OSBPL10: variants seen among roughly 807,000 people sequenced by gnomAD.
OSBPL10 encodes oxysterol binding protein like 10, also known as oxysterol-binding protein-related protein 10.
OSBPL10 carries 49 observed loss-of-function variants against 81.7 expected under a neutral mutation model. The observed-to-expected ratio is 0.60, with a 90% CI of 0.48 to 0.76. The LOEUF is 0.76. Among genes scored for constraint, OSBPL10 ranks in the 30% least tolerant of loss-of-function variants. OSBPL10 has a pLI of 0.00. For missense variants in OSBPL10, 923 were observed against 987.8 expected, an observed-to-expected ratio of 0.93 and a Z score of 0.88; for synonymous variants, 419 against 383.6, an observed-to-expected ratio of 1.09 and a Z score of -1.08.
chr3:31,880,333 G>A (rs1266397627), intron 1 of OSBPL10, among the ~76,000 whole-genome samples: 2 of 152,220 alleles, frequency 1.3e-5, no homozygotes, highest in Non-Finnish European at 2.9e-5. Context: ...TCAGGGAACT[G>A]GAGGTGCTTC....
rs114997725 is a variant in OSBPL10 at position 31,739,514 on chromosome 3, T to C, written c.941-6103A>G. 7.3e-3 allele frequency among the ~76,000 whole-genome samples: 1,117 copies of C among 152,288 alleles called. 15 individuals carry two copies. The highest frequency in any genetic ancestry group is 0.026 in the African/African-American group (1,069 of 41,548). On this transcript the variant is annotated intron_variant, in intron 5 of 11. Transcript: ENST00000396556. ...TAATAAAGTTAAATGACATAAAAAATGTAGGGTCCTGATCCAATTGGATTA... is the reference window on the plus strand; with the variant it reads ...TAATAAAGTTAAATGACATAAAAAACGTAGGGTCCTGATCCAATTGGATTA...
Position 31,733,425 on chromosome 3 carries a change from C to G in OSBPL10, c.941-14G>C. On this transcript the variant is annotated splice_polypyrimidine_tract_variant and intron_variant, in intron 5 of 11. Transcript: ENST00000396556. The stretch of plus-strand genomic sequence containing the variant: ...CCAGGATGTTTTCTGAAATAAAGAC[C>G]TAGAATGATGCCAAGTATTTTCCAA... 1 of 1,614,116 alleles carries G rather than the reference C, an allele frequency of 6.2e-7. No homozygotes were observed. The highest frequency in any genetic ancestry group is 8.5e-7 in the Non-Finnish European group (1 of 1,179,984).
chr3:31,755,362 C>G (rs1252195794), intron 4 of OSBPL10, among the ~76,000 whole-genome samples: 1 of 152,196 alleles, frequency 6.6e-6, no homozygotes, highest in African/African-American at 2.4e-5. Flanking sequence ...AAGTTGAAGA[C>G]TGCTTCATAA....
chr3:31,837,567 T>G (rs1386030232), intron 3 of OSBPL10, among the ~76,000 whole-genome samples: 1 of 151,134 alleles, frequency 6.6e-6, no homozygotes, highest in African/African-American at 2.4e-5. Flanking sequence ...GAAACAAGAA[T>G]TCCACTACCA....
intron 1 of OSBPL10, among the ~76,000 whole-genome samples, chr3:31,929,988 G>C: frequency 1.1e-5 from 1 of 95,184 alleles, no homozygotes. Context: ...GATCAAGTGA[G>C]ACCCTGTCAC....
At chr3:31,947,411 A>G (rs1178886091) in intron 1 of OSBPL10, among the ~76,000 whole-genome samples, 1 of 152,186 alleles carries the variant, frequency 6.6e-6, no homozygotes, top group African/African-American at 2.4e-5. Context: ...AAAAATTGGA[A>G]TGCTATCCTC....
intron 5 of OSBPL10, among the ~76,000 whole-genome samples, chr3:31,742,629 C>G (rs1016720292): frequency 1.3e-5 from 2 of 152,168 alleles, no homozygotes; most frequent in Non-Finnish European, 2.9e-5. Context: ...GCAGCTCTTA[C>G]CTGGCACTAG....
At chr3:31,747,162 C>T (rs1036013329) in intron 5 of OSBPL10, among the ~76,000 whole-genome samples, 10 of 151,944 alleles carry the variant, frequency 6.6e-5, no homozygotes, top group African/African-American at 2.4e-4. Context: ...TGGTGAAACC[C>T]CGTCTCTACT....
At position 31,668,794 on chromosome 3, in the gene OSBPL10, G is replaced by C; in HGVS notation, c.1944C>G (p.Thr648=). ...CATGGGCTTTACAAACAATGGTGTT[G>C]GTTGGGTTGTGCTTCACTTCTGCGG... is the stretch of plus-strand genomic sequence containing the variant. ...RVTAEVKHNP[T]NTIVCKAHGE... is the part of the protein sequence containing the mutation. The change falls in exon 10 of 12, where the codon ACC becomes ACG. Residue 648 remains threonine, a synonymous_variant. Coordinates refer to ENST00000396556, the MANE Select transcript of OSBPL10 (RefSeq NM_017784.5). The C allele has an allele frequency of 6.2e-7, 1 of 1,612,476 alleles. No individual in the cohort carries two copies. The highest frequency in any genetic ancestry group is 8.5e-7 in the Non-Finnish European group (1 of 1,178,946).
chr3:31,732,916 C>T (rs555829530), intron 6 of OSBPL10: 14 of 296,688 alleles, frequency 4.7e-5, no homozygotes, highest in Middle Eastern at 2.2e-3. Context: ...TTCAGGGGAG[C>T]GACATAATAT....
intron 2 of OSBPL10, among the ~76,000 whole-genome samples, chr3:31,994,533 G>C (rs187493322): frequency 6.6e-6 from 1 of 151,842 alleles, no homozygotes; most frequent in African/African-American, 2.4e-5. Flanking sequence ...TGGATGGATG[G>C]ATGGTCTGCC....
intron 4 of OSBPL10, among the ~76,000 whole-genome samples, chr3:31,748,737 C>CT (rs1697620705): frequency 1.3e-5 from 2 of 152,154 alleles, no homozygotes; most frequent in South Asian, 4.1e-4. Context: ...AGACCCAGCC[C>CT]TACTCCATGG....
rs1295650106 is a variant in OSBPL10 at position 31,664,065 on chromosome 3, G to A, written c.2250+14C>T. The A allele has an allele frequency of 6.2e-7, 1 of 1,614,162 alleles. No homozygotes were observed. The highest frequency in any genetic ancestry group is 1.7e-5 in the Admixed American group (1 of 60,026). On this transcript the variant is annotated intron_variant, in intron 11 of 11. Coordinates refer to ENST00000396556, the MANE Select transcript of OSBPL10 (RefSeq NM_017784.5). ...TCTCCTGGGCAAGGGACCAATGACAGGCGGCAGAGTTACCTCCTGGATAAA... is the reference window on the plus strand; with the variant it reads ...TCTCCTGGGCAAGGGACCAATGACAAGCGGCAGAGTTACCTCCTGGATAAA...
intron 3 of OSBPL10, 140 bp from the exon 4 acceptor site, chr3:31,830,371 C>T: frequency 1.4e-5 from 11 of 807,426 alleles, no homozygotes; most frequent in Non-Finnish European, 2.1e-5. Context: ...GGTATAACAA[C>T]ACTGCATGCC....
At chr3:31,861,303 A>C (rs1701052152) in intron 3 of OSBPL10, among the ~76,000 whole-genome samples, 1 of 152,156 alleles carries the variant, frequency 6.6e-6, no homozygotes, top group Non-Finnish European at 1.5e-5. Context: ...CCCTGATATC[A>C]AATGGCATTT....
chr3:31,932,160 A>G (rs1398340638), intron 1 of OSBPL10, among the ~76,000 whole-genome samples: 1 of 152,220 alleles, frequency 6.6e-6, no homozygotes, highest in African/African-American at 2.4e-5. Context: ...TCTCTCATTC[A>G]AGAAACTTGA....
At chr3:31,741,187 A>G (rs1433872988) in intron 5 of OSBPL10, among the ~76,000 whole-genome samples, 1 of 152,256 alleles carries the variant, frequency 6.6e-6, no homozygotes, top group Admixed American at 6.5e-5. Context: ...TGAAATTCAC[A>G]AAAAGATTGA....
chr3:31,667,245 T>C (rs912764293), intron 10 of OSBPL10, among the ~76,000 whole-genome samples: 4 of 152,236 alleles, frequency 2.6e-5, no homozygotes, highest in Non-Finnish European at 4.4e-5. Flanking sequence ...TCCTTCCTTA[T>C]CGCAGCCTTT....
intron 4 of OSBPL10, among the ~76,000 whole-genome samples, chr3:31,769,510 AT>A (rs1259134392): frequency 7.1e-6 from 1 of 141,552 alleles, no homozygotes; most frequent in Admixed American, 7.0e-5. Flanking sequence ...TTAAAAATAT[AT>A]TTTTATATTA....
Sources: allele counts gnomAD v4.1 joint callset (sites outside exome capture counted in the v4.1 genomes callset), GRCh38; gene constraint gnomAD v4.1.1; transcripts MANE v1.5; gene names NCBI Gene and HGNC (gene_info 2026-07-23, HGNC 2026-07-21).